The following GRAMD2B variants were observed in gnomAD, a reference collection of about 807,000 sequenced individuals.
The protein encoded by GRAMD2B is GRAM domain-containing protein 2B.
GRAMD2B carries 41 observed loss-of-function variants against 59.2 expected under a neutral mutation model. That is an observed-to-expected ratio of 0.69 (90% CI 0.54 to 0.90). The LOEUF (loss-of-function observed/expected upper bound fraction) is 0.90, where lower values mean the gene tolerates loss of function less well. Ranked by LOEUF, GRAMD2B falls within the 40% of genes least tolerant of loss-of-function variation. The pLI is 0.00. For missense variants in GRAMD2B, 424 were observed against 500.5 expected (o/e 0.85, Z 1.46); for synonymous variants, 161 against 182.7 (o/e 0.88, Z 0.96).
In GRAMD2B at chr5:126,485,660, G is replaced by GTTGTTT. The variant is rs767130221; in HGVS notation, c.971-23_971-18dup. 5 of 1,470,722 alleles carry GTTGTTT rather than the reference G, an allele frequency of 3.4e-6. No homozygotes were observed. In the African/African-American group the frequency reaches 4.2e-5, roughly 12 times the overall value. 91.1% of individuals were successfully genotyped at this position (1,470,722 alleles called of 1,614,324 possible). ...AAGAAGTGTGTTATGGTTTTAAACA[G>GTTGTTT]TTGTTTTTTGTTTTCCTCCCAACAG... is the stretch of plus-strand genomic sequence containing the variant. On this transcript the variant is annotated intron_variant, in intron 10 of 13. Transcript: ENST00000285689.
At chr5:126,383,336 G>C (rs189791523) in intron 1 of GRAMD2B, among the ~76,000 whole-genome samples, 3 of 152,176 alleles carry the variant, frequency 2.0e-5, no homozygotes, top group African/African-American at 2.4e-5. Context: ...TGAATTGAAG[G>C]TTCTAGGAGT....
chr5:126,480,722 T>A lies in GRAMD2B; in HGVS notation c.735+15T>A, dbSNP rs1561596867. 6.2e-7 allele frequency: 1 copy of A among 1,604,018 alleles called. No individual in the cohort carries two copies. Among genetic ancestry groups the A allele is most frequent in the African/African-American group, 1.3e-5 (1 of 74,822 alleles). On this transcript the variant is annotated intron_variant, in intron 8 of 13. Coordinates refer to ENST00000285689, the MANE Select transcript of GRAMD2B (RefSeq NM_023927.4). ...CTCTGCCTCTGGTAAGTTGCCCACA[T>A]AACTATCTAAATGCAAAAGAAAGGG...
At chr5:126,433,127 C>CT (rs1340666113) in intron 1 of GRAMD2B, among the ~76,000 whole-genome samples, 1 of 152,152 alleles carries the variant, frequency 6.6e-6, no homozygotes, top group Non-Finnish European at 1.5e-5. Flanking sequence ...AAAGAAGAAA[C>CT]TAAGTAGCTC....
chr5:126,388,475 T>C (rs968027535), intron 1 of GRAMD2B, among the ~76,000 whole-genome samples: 9 of 152,100 alleles, frequency 5.9e-5, no homozygotes, highest in African/African-American at 2.2e-4. Flanking sequence ...GTAAGTGAGA[T>C]GTTATTTACT....
chr5:126,423,441 G>C lies in GRAMD2B; in HGVS notation c.-166G>C. 3 of 1,408,154 alleles carry C rather than the reference G, an allele frequency of 2.1e-6. No individual in the cohort carries two copies. The South Asian group carries it at 5.0e-5, about 23-fold the overall frequency. The allele number at this position is 1,408,154 out of a possible 1,614,324, so 87.2% of individuals were successfully genotyped here. On this transcript the variant is annotated 5_prime_UTR_variant, in exon 1 of 14. Coordinates refer to ENST00000285689, the MANE Select transcript of GRAMD2B (RefSeq NM_023927.4). ...CCCGCTCCGACGTGTCCAGGTCCGCGGCCCCGGGAGCTTGGCGCGGCCCGG... is the reference window on the plus strand; with the variant it reads ...CCCGCTCCGACGTGTCCAGGTCCGCCGCCCCGGGAGCTTGGCGCGGCCCGG...
At chr5:126,464,259 A>G (rs2126774173) in intron 1 of GRAMD2B, among the ~76,000 whole-genome samples, 1 of 152,354 alleles carries the variant, frequency 6.6e-6, no homozygotes, top group South Asian at 2.1e-4. Context: ...GGTAAATGAA[A>G]GTGAAGATTA....
intron 1 of GRAMD2B, among the ~76,000 whole-genome samples, chr5:126,455,958 T>A (rs911817189): frequency 1.3e-5 from 2 of 152,162 alleles, no homozygotes; most frequent in African/African-American, 4.8e-5. Flanking sequence ...GAACTTAAGT[T>A]CCCAATAAAG....
intron 2 of GRAMD2B, among the ~76,000 whole-genome samples, chr5:126,468,545 T>C (rs1768898953): frequency 2.6e-5 from 4 of 152,190 alleles, no homozygotes; most frequent in African/African-American, 7.2e-5. Context: ...TGGAGTGCAA[T>C]GGTGCAATAT....
At chr5:126,447,104 C>T (rs112860281) in intron 1 of GRAMD2B, among the ~76,000 whole-genome samples, 2 of 152,082 alleles carry the variant, frequency 1.3e-5, no homozygotes, top group East Asian at 3.9e-4. Context: ...TTCCTTCTTT[C>T]GCCATAACCT....
Position 126,423,648 on chromosome 5 carries a change from G to C in GRAMD2B, c.42G>C (p.Ala14=). The C allele has an allele frequency of 6.2e-7, 1 of 1,608,978 alleles. No individual in the cohort carries two copies. The highest frequency in any genetic ancestry group is 8.5e-7 in the Non-Finnish European group (1 of 1,178,080). The change falls in exon 1 of 14, where the codon GCG becomes GCC. Residue 14 remains alanine, a synonymous_variant. Transcript: ENST00000285689. The stretch of plus-strand genomic sequence containing the variant: ...AAGATGTGGAAGACACAAAGCCTGC[G>C]AAAGTGCTCGGGAAGAGGGAGAGCA... The part of the protein sequence containing the change: ...LQQDVEDTKP[A]KVLGKRESKL...
At chr5:126,450,342 A>C (rs758249099) in intron 1 of GRAMD2B, among the ~76,000 whole-genome samples, 1 of 152,182 alleles carries the variant, frequency 6.6e-6, no homozygotes, top group Non-Finnish European at 1.5e-5. Flanking sequence ...CAGGTAAAAA[A>C]TTCTCTTCTG....
At chr5:126,448,477 G>C (rs375488465) in intron 1 of GRAMD2B, among the ~76,000 whole-genome samples, 9 of 152,230 alleles carry the variant, frequency 5.9e-5, no homozygotes, top group African/African-American at 2.2e-4. Flanking sequence ...TTATCCTGTA[G>C]GCAACAGAGA....
At position 126,493,079 on chromosome 5, in the gene GRAMD2B, T is replaced by G; in HGVS notation, c.*123T>G. 1 of 700,552 alleles carries G rather than the reference T, an allele frequency of 1.4e-6. No homozygotes were observed. The highest frequency in any genetic ancestry group is 2.6e-5 in the East Asian group (1 of 38,798). The allele number at this position is 700,552 out of a possible 1,614,324, so 43.4% of individuals were successfully genotyped here. A position where few individuals can be genotyped will look rare whatever the true frequency, so the allele number is the denominator to read the frequency against. ...GTGCAAGCAGATGAGAATCCAGACATTGCATGTGGAGGTCTCCAGCTCAGG... is the reference window on the plus strand; with the variant it reads ...GTGCAAGCAGATGAGAATCCAGACAGTGCATGTGGAGGTCTCCAGCTCAGG... On this transcript the variant is annotated 3_prime_UTR_variant, in exon 14 of 14. Transcript: ENST00000285689.
chr5:126,406,112 G>C (rs1051318127), intron 1 of GRAMD2B, among the ~76,000 whole-genome samples: 1 of 151,832 alleles, frequency 6.6e-6, no homozygotes, highest in African/African-American at 2.4e-5. Flanking sequence ...TCATATTCGT[G>C]TCTAAAAGAA....
chr5:126,398,130 C>A (rs1162723214), intron 1 of GRAMD2B, among the ~76,000 whole-genome samples: 1 of 149,426 alleles, frequency 6.7e-6, no homozygotes, highest in African/African-American at 2.5e-5. Context: ...CTCAAGTGAT[C>A]CTCTCACCCC....
At chr5:126,492,796 C>G in intron 13 of GRAMD2B, 119 bp from the exon 14 acceptor site, 1 of 633,718 alleles carries the variant, frequency 1.6e-6, no homozygotes, top group East Asian at 2.9e-5. Flanking sequence ...AAATTTAACC[C>G]TTTTGTAGCT....
intron 1 of GRAMD2B, among the ~76,000 whole-genome samples, chr5:126,405,242 T>C (rs976468180): frequency 1.3e-5 from 2 of 151,926 alleles, no homozygotes; most frequent in African/African-American, 4.8e-5. Flanking sequence ...GGATGCTGTT[T>C]ATCTCCAAAC....
At chr5:126,391,716 T>C (rs1399452926) in intron 1 of GRAMD2B, among the ~76,000 whole-genome samples, 1 of 152,226 alleles carries the variant, frequency 6.6e-6, no homozygotes, top group Non-Finnish European at 1.5e-5. Context: ...TCTATAGTGA[T>C]GGCAAGTCAA....
upstream of GRAMD2B, among the ~76,000 whole-genome samples, chr5:126,420,675 A>C (rs531522910): frequency 1.1e-4 from 16 of 152,344 alleles, 1 homozygote; most frequent in African/African-American, 3.8e-4. Flanking sequence ...AGGGCTGACC[A>C]TGATTTCTCA....
Sources: gnomAD v4.1 joint callset for allele counts (sites outside exome capture counted in the v4.1 genomes callset) on GRCh38, gnomAD v4.1.1 for gene constraint, MANE v1.5 for transcripts, NCBI Gene and HGNC (gene_info 2026-07-23, HGNC 2026-07-21) for gene names.